RAB3B: variants seen among roughly 807,000 people sequenced by gnomAD.
RAB3B encodes the protein RAB3B, member RAS oncogene family.
RAB3B carries 11 observed loss-of-function variants against 20.5 expected under a neutral mutation model. The observed-to-expected ratio is 0.54, with a 90% CI of 0.34 to 0.89. The LOEUF (loss-of-function observed/expected upper bound fraction) is 0.89, where lower values mean the gene tolerates loss of function less well. RAB3B is among the 40% of genes least tolerant of loss of function. The pLI, the probability that RAB3B is intolerant of heterozygous loss-of-function variation, is 0.02. For synonymous variants in RAB3B, 99 were observed against 106.3 expected (o/e 0.93, Z 0.42); for missense variants, 225 against 280.9 (o/e 0.80, Z 1.42).
At chr1:51,971,497 A>G (rs544312627) in intron 2 of RAB3B, among the ~76,000 whole-genome samples, 1 of 151,152 alleles carries the variant, frequency 6.6e-6, no homozygotes, top group Non-Finnish European at 1.5e-5. Flanking sequence ...CAATGGCGCA[A>G]TCTTGGCTCA....
At chr1:51,983,316 G>T (rs551469168) in intron 1 of RAB3B, among the ~76,000 whole-genome samples, 1 of 151,518 alleles carries the variant, frequency 6.6e-6, no homozygotes, top group East Asian at 1.9e-4. Context: ...AGCCAGACTT[G>T]GTCTCAAAAA....
At chr1:51,967,313 C>CA (rs990992709) in intron 2 of RAB3B, among the ~76,000 whole-genome samples, 1 of 151,212 alleles carries the variant, frequency 6.6e-6, no homozygotes, top group African/African-American at 2.4e-5. Flanking sequence ...AACTCCACCT[C>CA]AAAAAATAAA....
intron 1 of RAB3B, among the ~76,000 whole-genome samples, chr1:51,990,309 C>T (rs1476693651): frequency 7.7e-6 from 1 of 129,268 alleles, no homozygotes; most frequent in Non-Finnish European, 1.6e-5. Context: ...CGCCGTCTTT[C>T]TTGCTCCCCT....
intron 2 of RAB3B, among the ~76,000 whole-genome samples, chr1:51,964,208 A>G (rs1008366008): frequency 3.9e-5 from 6 of 152,184 alleles, no homozygotes; most frequent in African/African-American, 1.4e-4. Context: ...CTATGTTGCT[A>G]AATACAGCAG....
intron 1 of RAB3B, 51 bp from the exon 2 acceptor site, chr1:51,977,168 G>T: frequency 7.1e-7 from 1 of 1,418,436 alleles, no homozygotes; most frequent in Non-Finnish European, 9.9e-7. Flanking sequence ...GTGTCACCCT[G>T]AGTCACCATC....
chr1:51,923,845 TA>T (rs1684207156), intron 4 of RAB3B, among the ~76,000 whole-genome samples: 1 of 151,564 alleles, frequency 6.6e-6, no homozygotes, highest in Admixed American at 6.6e-5. Flanking sequence ...AGACCATAAA[TA>T]AATAAATGAA....
intron 1 of RAB3B, among the ~76,000 whole-genome samples, chr1:51,984,899 GA>G (rs1685133216): frequency 6.6e-6 from 1 of 152,088 alleles, no homozygotes; most frequent in South Asian, 2.1e-4. Flanking sequence ...ATTTGATCAA[GA>G]AGGAAACTGA....
intron 3 of RAB3B, among the ~76,000 whole-genome samples, chr1:51,933,656 C>T (rs11205912): frequency 6.6e-6 from 1 of 152,112 alleles, no homozygotes; most frequent in Non-Finnish European, 1.5e-5. Context: ...TCTCTCTTGG[C>T]CATGGGAGGA....
At chr1:51,940,444 G>A (rs949975776) in intron 2 of RAB3B, among the ~76,000 whole-genome samples, 2 of 152,118 alleles carry the variant, frequency 1.3e-5, no homozygotes, top group African/African-American at 4.8e-5. Context: ...CCAATATGGT[G>A]AAATCCTGTC....
intron 2 of RAB3B, among the ~76,000 whole-genome samples, chr1:51,955,381 G>A (rs1200763685): frequency 1.3e-5 from 2 of 152,036 alleles, no homozygotes; most frequent in African/African-American, 4.8e-5. Context: ...CTGGCCCAGG[G>A]ACTTACTCTT....
In RAB3B at chr1:51,913,891, C is replaced by T. The variant is rs1684043728; in HGVS notation, c.*6036G>A. 6.6e-6 allele frequency: 1 copy of T among 152,242 alleles called. No homozygotes were observed. Among genetic ancestry groups the T allele is most frequent in the South Asian group, 2.1e-4 (1 of 4,832 alleles). The allele number at this position is 152,242 out of a possible 1,614,324, so 9.4% of individuals were successfully genotyped here. A position where few individuals can be genotyped will look rare whatever the true frequency, so the allele number is the denominator to read the frequency against. ...GCTTCTGTGTTGGATCTTGCCCTCT[C>T]TTGCTTCGAGGAAACTCCTGCTACC... On this transcript the variant is annotated 3_prime_UTR_variant, in exon 5 of 5. Coordinates refer to ENST00000371655, the MANE Select transcript of RAB3B (RefSeq NM_002867.4).
At chr1:51,922,869 G>C (rs772733465) in intron 4 of RAB3B, among the ~76,000 whole-genome samples, 14 of 151,934 alleles carry the variant, frequency 9.2e-5, no homozygotes, top group Non-Finnish European at 1.6e-4. Flanking sequence ...GCTAATTTTT[G>C]TATTTGTAGT....
At chr1:51,923,468 C>A (rs1447608755) in intron 4 of RAB3B, among the ~76,000 whole-genome samples, 1 of 152,090 alleles carries the variant, frequency 6.6e-6, no homozygotes, top group Non-Finnish European at 1.5e-5. Context: ...GTAATCCCTG[C>A]AGTTTGGGAG....
At position 51,958,449 on chromosome 1, in the gene RAB3B, C is replaced by T. The variant is rs117200588; in HGVS notation, c.228+18441G>A. 9.3e-3 allele frequency among the ~76,000 whole-genome samples: 1,415 copies of T among 152,240 alleles called. 49 individuals carry two copies. The highest frequency in any genetic ancestry group is 0.084 in the East Asian group (436 of 5,172). ...TAAGAAAGTGGCATACTCGGCCGGG[C>T]GCGGTGGCTCATGCCTGTAATCCTA... On this transcript the variant is annotated intron_variant, in intron 2 of 4. Coordinates refer to ENST00000371655, the MANE Select transcript of RAB3B (RefSeq NM_002867.4).
rs1247073489 is a variant in RAB3B, at chr1:51,919,785, AAAG to A, written c.*139_*141del. On this transcript the variant is annotated 3_prime_UTR_variant, in exon 5 of 5. Coordinates refer to ENST00000371655, the MANE Select transcript of RAB3B (RefSeq NM_002867.4). ...TCTGCAGAGAACCCCAGGGGCAGGC[AAAG>A]AATAGCAGCAACTCATCTTGCTCTG... is the stretch of plus-strand genomic sequence containing the variant. The A allele has an allele frequency of 4.5e-5, 38 of 844,018 alleles. No homozygotes were observed. Among genetic ancestry groups the A allele is most frequent in the Non-Finnish European group, 5.7e-5 (32 of 559,554 alleles). The allele number at this position is 844,018 out of a possible 1,614,324, so 52.3% of individuals were successfully genotyped here.
chr1:51,965,185 C>T (rs1684832887), intron 2 of RAB3B, among the ~76,000 whole-genome samples: 2 of 150,028 alleles, frequency 1.3e-5, no homozygotes, highest in South Asian at 4.2e-4. Flanking sequence ...CGCCACTGCA[C>T]TTCCAACCTG....
chr1:51,952,963 C>T (rs553057215), intron 2 of RAB3B, among the ~76,000 whole-genome samples: 8 of 152,258 alleles, frequency 5.3e-5, no homozygotes, highest in Non-Finnish European at 1.2e-4. Context: ...AAATTTCCAA[C>T]TGTCTGCTGG....
intron 2 of RAB3B, among the ~76,000 whole-genome samples, chr1:51,949,752 T>C (rs1452740634): frequency 6.6e-6 from 1 of 152,170 alleles, no homozygotes; most frequent in African/African-American, 2.4e-5. Flanking sequence ...GTCAGCTCCT[T>C]GCTCCACTCT....
chr1:51,930,566 A>AC (rs1274646999), intron 4 of RAB3B, among the ~76,000 whole-genome samples: 10 of 152,190 alleles, frequency 6.6e-5, no homozygotes, highest in African/African-American at 1.7e-4. Flanking sequence ...TGTTAAAAAA[A>AC]ACACACACAC....
Sources: gnomAD v4.1 joint callset for allele counts (sites outside exome capture counted in the v4.1 genomes callset) on GRCh38, gnomAD v4.1.1 for gene constraint, MANE v1.5 for transcripts, NCBI Gene and HGNC (gene_info 2026-07-23, HGNC 2026-07-21) for gene names.